The following TMC1 variants were observed in gnomAD, a reference collection of about 807,000 sequenced individuals.
The protein encoded by TMC1 is transmembrane channel-like protein 1.
In TMC1, 84 loss-of-function variants were observed where a neutral mutation model predicts 105.8. The ratio of observed to expected loss-of-function variants is 0.79; its 90% CI spans 0.67 to 0.95. The LOEUF is 0.95. Ranked by LOEUF, TMC1 falls within the 40% of genes least tolerant of loss-of-function variation. The pLI is 0.00. For synonymous variants in TMC1, 315 were observed against 311.5 expected, an observed-to-expected ratio of 1.01 and a Z score of -0.12; for missense variants, 817 against 914.1, an observed-to-expected ratio of 0.89 and a Z score of 1.37.
intron 15 of TMC1, among the ~76,000 whole-genome samples, chr9:72,790,161 C>T (rs768852913): frequency 2.2e-4 from 34 of 152,074 alleles, no homozygotes; most frequent in Non-Finnish European, 2.2e-4. Context: ...AAAGTATGTG[C>T]AGATTTAGGC....
chr9:72,734,694 A>T (rs1827271400), intron 8 of TMC1, among the ~76,000 whole-genome samples: 1 of 152,182 alleles, frequency 6.6e-6, no homozygotes, highest in Non-Finnish European at 1.5e-5. Context: ...TTATGAAAAG[A>T]CTTTTCATTC....
Position 72,751,847 on chromosome 9 carries a change from T to C in TMC1, c.536-3T>C. 1 of 1,587,046 alleles carries C rather than the reference T, an allele frequency of 6.3e-7. No individual in the cohort carries two copies. The highest frequency in any genetic ancestry group is 1.1e-5 in the South Asian group (1 of 90,570). On this transcript the variant is annotated splice_region_variant and splice_polypyrimidine_tract_variant and intron_variant, in intron 10 of 23. Transcript: ENST00000297784. Reference sequence around the variant, plus strand: ...TTCAAACTTTTTATTTTCTTTGTAATAGGTCAGTTTGGCTCCTCAGTGGCC... The same window carrying C: ...TTCAAACTTTTTATTTTCTTTGTAACAGGTCAGTTTGGCTCCTCAGTGGCC...
At chr9:72,791,580 A>G (rs962839734) in intron 15 of TMC1, among the ~76,000 whole-genome samples, 2 of 152,194 alleles carry the variant, frequency 1.3e-5, no homozygotes, top group Non-Finnish European at 2.9e-5. Flanking sequence ...AGAATCAGTT[A>G]CCACATAGAA....
chr9:72,772,463 A>G lies in TMC1; in HGVS notation c.792A>G (p.Arg264=). 6.2e-7 allele frequency: 1 copy of G among 1,613,950 alleles called. No homozygotes were observed. Among genetic ancestry groups the G allele is most frequent in the Non-Finnish European group, 8.5e-7 (1 of 1,179,846 alleles). The stretch of plus-strand genomic sequence containing the variant: ...TTTATGGCTATTATGACAATAAACG[A>G]ACAATTGGATGGATGAATTTCAGGT... ...VLFYGYYDNK[R]TIGWMNFRLP... The change falls in exon 13 of 24, where the codon CGA becomes CGG. Residue 264 remains arginine (R), a synonymous_variant. Coordinates refer to ENST00000297784, the MANE Select transcript of TMC1 (RefSeq NM_138691.3).
chr9:72,602,254 A>G (rs1428773737), intron 2 of TMC1, among the ~76,000 whole-genome samples: 1 of 151,986 alleles, frequency 6.6e-6, no homozygotes, highest in Non-Finnish European at 1.5e-5. Context: ...GAAGAGCCTG[A>G]GACTTGAGAA....
chr9:72,555,973 CAAAAAAAAAAAAAAAAA>C (rs59431883), intron 1 of TMC1, among the ~76,000 whole-genome samples: 1 of 42,566 alleles, frequency 2.3e-5, no homozygotes, highest in Admixed American at 4.5e-4. Flanking sequence ...ATGACTAAGG[CAAAAAAAAAAAAAAAAA>C]AAAAAAAAAA....
rs35627708 is a variant in TMC1 at position 72,530,822 on chromosome 9, A to ATTT, written c.-428+8923_-428+8925dup. Among the ~76,000 whole-genome samples, 50 of 133,754 alleles carry ATTT rather than the reference A, an allele frequency of 3.7e-4. 1 individual carries two copies. Among genetic ancestry groups the ATTT allele is most frequent in the South Asian group, 2.4e-3 (10 of 4,224 alleles). 87.7% of individuals were successfully genotyped at this position (133,754 alleles called of 152,430 possible). A position where few individuals can be genotyped will look rare whatever the true frequency, so the allele number is the denominator to read the frequency against. ...AATTTGCCACTTGTTTTCTGCCATG[A>ATTT]TTTTTTTTTTTTTTTTGAGGTGGAG... is the stretch of plus-strand genomic sequence containing the variant. On this transcript the variant is annotated intron_variant, in intron 1 of 23. Transcript: ENST00000297784.
At chr9:72,568,297 G>A (rs887974941) in intron 1 of TMC1, among the ~76,000 whole-genome samples, 3 of 152,226 alleles carry the variant, frequency 2.0e-5, no homozygotes, top group Admixed American at 6.5e-5. Flanking sequence ...TTGAGGCAAC[G>A]AAGGTAGGAA....
intron 5 of TMC1, among the ~76,000 whole-genome samples, chr9:72,650,644 C>A (rs1355258405): frequency 2.0e-5 from 3 of 151,514 alleles, no homozygotes; most frequent in Non-Finnish European, 2.9e-5. Context: ...TTTCTCCTCC[C>A]CTCCCTCATT....
intron 1 of TMC1, among the ~76,000 whole-genome samples, chr9:72,529,007 G>A (rs527504542): frequency 5.3e-5 from 8 of 151,512 alleles, no homozygotes; most frequent in African/African-American, 1.2e-4. Flanking sequence ...TACTTACAGA[G>A]CATTCATATT....
At chr9:72,670,126 G>T (rs1421647487) in intron 5 of TMC1, among the ~76,000 whole-genome samples, 2 of 152,232 alleles carry the variant, frequency 1.3e-5, no homozygotes, top group African/African-American at 4.8e-5. Context: ...GATTTCTGTA[G>T]TGTTCCTGCT....
intron 2 of TMC1, among the ~76,000 whole-genome samples, chr9:72,595,673 CTTT>C (rs71357596): frequency 0.29 from 35,965 of 123,502 alleles, 5,144 homozygotes; most frequent in African/African-American, 0.4. Flanking sequence ...CAACTCTCAA[CTTT>C]TTTTTTTTTT....
At chr9:72,659,508 C>T (rs1477889495) in intron 5 of TMC1, among the ~76,000 whole-genome samples, 2 of 152,114 alleles carry the variant, frequency 1.3e-5, no homozygotes, top group African/African-American at 4.8e-5. Flanking sequence ...GTGGCATGTG[C>T]CTGTAGTCCC....
At chr9:72,666,599 C>T (rs961953363) in intron 5 of TMC1, among the ~76,000 whole-genome samples, 2 of 152,150 alleles carry the variant, frequency 1.3e-5, no homozygotes, top group African/African-American at 4.8e-5. Context: ...TTGCTGGGGT[C>T]ACTCATTTAT....
intron 5 of TMC1, among the ~76,000 whole-genome samples, chr9:72,687,859 C>G (rs1403190350): frequency 2.0e-5 from 3 of 151,932 alleles, no homozygotes; most frequent in African/African-American, 7.3e-5. Context: ...GTTTTATAAG[C>G]AAGTTAATAG....
intron 20 of TMC1, among the ~76,000 whole-genome samples, chr9:72,821,808 AAGAG>A (rs565459938): frequency 6.6e-6 from 1 of 151,380 alleles, no homozygotes; most frequent in Non-Finnish European, 1.5e-5. Context: ...CTACCTTAAA[AAGAG>A]AGAGAGAGAG....
At chr9:72,690,453 T>G (rs148937303) in intron 6 of TMC1, among the ~76,000 whole-genome samples, 35 of 152,254 alleles carry the variant, frequency 2.3e-4, no homozygotes, top group African/African-American at 7.9e-4. Flanking sequence ...GATTTTGTGT[T>G]GCTCTTTAGT....
At chr9:72,768,475 AAGTT>A (rs778335921) in intron 12 of TMC1, among the ~76,000 whole-genome samples, 2 of 152,312 alleles carry the variant, frequency 1.3e-5, no homozygotes, top group African/African-American at 2.4e-5. Context: ...GTATAATAAA[AAGTT>A]AATTAATTAA....
chr9:72,612,015 C>A (rs575286049), intron 2 of TMC1, among the ~76,000 whole-genome samples: 1 of 152,212 alleles, frequency 6.6e-6, no homozygotes, highest in South Asian at 2.1e-4. Context: ...CTTTGCCCTC[C>A]TGCTTCTGTT....
Sources: allele counts gnomAD v4.1 joint callset (sites outside exome capture counted in the v4.1 genomes callset), GRCh38; gene constraint gnomAD v4.1.1; transcripts MANE v1.5; gene names NCBI Gene and HGNC (gene_info 2026-07-23, HGNC 2026-07-21).